PRKN: variants seen among roughly 807,000 people sequenced by gnomAD.
PRKN encodes E3 ubiquitin-protein ligase parkin.
PRKN carries 56 observed loss-of-function variants against 59.5 expected under a neutral mutation model. The observed-to-expected ratio is 0.94, with a 90% CI of 0.76 to 1.18. PRKN has a LOEUF of 1.18. Among genes scored for constraint, PRKN ranks in the 50% most tolerant of loss-of-function variants. PRKN has a pLI of 0.00. For synonymous variants in PRKN, 250 were observed against 222.1 expected, an observed-to-expected ratio of 1.13 and a Z score of -1.12; for missense variants, 657 against 596.4, an observed-to-expected ratio of 1.10 and a Z score of -1.06.
intron 7 of PRKN, among the ~76,000 whole-genome samples, chr6:161,648,588 T>C (rs1784042553): frequency 6.6e-6 from 1 of 152,238 alleles, no homozygotes; most frequent in African/African-American, 2.4e-5. Flanking sequence ...AGAGTAGCCA[T>C]AGTAAATCAC....
chr6:161,850,747 T>C (rs1793399360), intron 6 of PRKN, among the ~76,000 whole-genome samples: 1 of 152,180 alleles, frequency 6.6e-6, no homozygotes. Context: ...AGGAATTTAG[T>C]CTAATTCCTT....
At chr6:161,951,211 A>G (rs73604898) in intron 6 of PRKN, among the ~76,000 whole-genome samples, 1 of 152,104 alleles carries the variant, frequency 6.6e-6, no homozygotes, top group South Asian at 2.1e-4. Flanking sequence ...ACGAAACAGT[A>G]TGGCAAGACA....
At position 161,691,840 on chromosome 6, in the gene PRKN, T is replaced by C. The variant is rs1785808504; in HGVS notation, c.871+93932A>G. Among the ~76,000 whole-genome samples, 3 of 151,230 alleles carry C rather than the reference T, an allele frequency of 2.0e-5. 1 individual carries two copies. The highest frequency in any genetic ancestry group is 2.0e-4 in the Admixed American group (3 of 15,196). On this transcript the variant is annotated intron_variant, in intron 7 of 11. Transcript: ENST00000366898. ...TTGGGTGAGTCAAACTTTGTTGCTC[T>C]GCAAATGTCGATGAAGATCTTAAAG...
At chr6:161,701,116 A>G (rs1379559143) in intron 7 of PRKN, among the ~76,000 whole-genome samples, 1 of 152,226 alleles carries the variant, frequency 6.6e-6, no homozygotes, top group African/African-American at 2.4e-5. Context: ...GAAAGGTGAT[A>G]GGAACTGAAA....
intron 5 of PRKN, among the ~76,000 whole-genome samples, chr6:162,001,468 A>G (rs1383694503): frequency 6.6e-6 from 1 of 152,020 alleles, no homozygotes; most frequent in African/African-American, 2.4e-5. Flanking sequence ...GCTGGTACAG[A>G]GGGAAGCAAT....
At chr6:161,431,125 C>G (rs545746266) in intron 9 of PRKN, among the ~76,000 whole-genome samples, 1 of 122,176 alleles carries the variant, frequency 8.2e-6, no homozygotes, top group African/African-American at 3.3e-5. Context: ...GGCAACAGAG[C>G]GAGACTCTGT....
chr6:161,724,690 C>T (rs1787366978), intron 7 of PRKN, among the ~76,000 whole-genome samples: 1 of 152,146 alleles, frequency 6.6e-6, no homozygotes, highest in African/African-American at 2.4e-5. Context: ...AATATGAACA[C>T]ATTTTTATAA....
At chr6:161,979,482 C>T (rs1781179791) in intron 5 of PRKN, among the ~76,000 whole-genome samples, 1 of 152,054 alleles carries the variant, frequency 6.6e-6, no homozygotes, top group Admixed American at 6.6e-5. Context: ...CCATGTTGGC[C>T]AGGCTGGTCT....
intron 1 of PRKN, among the ~76,000 whole-genome samples, chr6:162,466,802 T>G (rs1791437483): frequency 6.6e-6 from 1 of 152,096 alleles, no homozygotes; most frequent in Non-Finnish European, 1.5e-5. Context: ...CTTTTTTTTT[T>G]CTTTTAATCA....
In PRKN at chr6:161,545,202, CTT is replaced by C. The variant is rs1250154314; in HGVS notation, c.1083+3650_1083+3651del. Reference sequence around the variant, plus strand: ...ATGGTAAGAGTTGTACTTTTTCTATCTTGATAATTGAGGGAAAAAAAAATTAA... The same window carrying C: ...ATGGTAAGAGTTGTACTTTTTCTATCGATAATTGAGGGAAAAAAAAATTAA... On this transcript the variant is annotated intron_variant, in intron 9 of 11. Transcript: ENST00000366898. This position sits in a 1 kb window ranked among gnomAD's most constrained non-coding sequence, Gnocchi z 4.1. The C allele has an allele frequency of 7.4e-7, 1 of 1,360,506 alleles. No homozygotes were observed. The highest frequency in any genetic ancestry group is 9.4e-7 in the Non-Finnish European group (1 of 1,058,466). 84.3% of individuals were successfully genotyped at this position (1,360,506 alleles called of 1,614,324 possible). A position where few individuals can be genotyped will look rare whatever the true frequency, so the allele number is the denominator to read the frequency against.
At chr6:162,165,803 C>A (rs1342497040) in intron 4 of PRKN, among the ~76,000 whole-genome samples, 15 of 151,578 alleles carry the variant, frequency 9.9e-5, no homozygotes, top group Admixed American at 5.3e-4. Context: ...AATCTCAGCA[C>A]TTTGGGAGGC....
intron 3 of PRKN, among the ~76,000 whole-genome samples, chr6:162,251,107 T>C (rs1779415828): frequency 6.6e-6 from 1 of 152,190 alleles, no homozygotes; most frequent in South Asian, 2.1e-4. Flanking sequence ...ATCTTGCATA[T>C]GATTTGTCCC....
rs888849562 is a variant in PRKN at position 162,701,879 on chromosome 6, ACACACACC to A, written c.7+25775_7+25782del. Among the ~76,000 whole-genome samples the A allele has an allele frequency of 1.3e-4, 16 of 124,260 alleles. No homozygotes were observed. The South Asian group carries it at 1.7e-3, about 13-fold the overall frequency. 81.5% of individuals were successfully genotyped at this position (124,260 alleles called of 152,430 possible). Reference sequence around the variant, plus strand: ...CATACATACATACACACACACACACACACACACCCCCCCGACAAAATGAAACCAACAGA... The same window carrying A: ...CATACATACATACACACACACACACACCCCCGACAAAATGAAACCAACAGA... On this transcript the variant is annotated intron_variant, in intron 1 of 11. Coordinates refer to ENST00000366898, the MANE Select transcript of PRKN (RefSeq NM_004562.3).
At chr6:161,856,291 C>T (rs1327578149) in intron 6 of PRKN, among the ~76,000 whole-genome samples, 1 of 151,962 alleles carries the variant, frequency 6.6e-6, no homozygotes, top group Non-Finnish European at 1.5e-5. Context: ...ACCCGGGAGG[C>T]GGAGGTTGCA....
At chr6:162,081,386 G>T (rs566494084) in intron 4 of PRKN, among the ~76,000 whole-genome samples, 124 of 152,138 alleles carry the variant, frequency 8.2e-4, no homozygotes, top group African/African-American at 2.9e-3. Flanking sequence ...TTGATCCATG[G>T]ACTGCAGAAT....
intron 10 of PRKN, among the ~76,000 whole-genome samples, chr6:161,368,381 TGATATA>T (rs1785304898): frequency 1.4e-5 from 1 of 70,812 alleles, no homozygotes; most frequent in Admixed American, 1.2e-4. Context: ...ACCTCAGTCT[TGATATA>T]TATATATATA....
intron 1 of PRKN, among the ~76,000 whole-genome samples, chr6:162,607,936 G>A (rs1183185098): frequency 2.6e-5 from 4 of 152,146 alleles, no homozygotes; most frequent in African/African-American, 9.7e-5. Context: ...AGCAAGAGAT[G>A]GGACAAGCAG....
At chr6:162,004,166 TTAGCAC>T (rs1782162857) in intron 5 of PRKN, among the ~76,000 whole-genome samples, 1 of 152,188 alleles carries the variant, frequency 6.6e-6, no homozygotes. Flanking sequence ...CATGAATGAC[TTAGCAC>T]TATCCCACTT....
At chr6:162,384,868 G>GCATTACAT (rs1273441208) in intron 2 of PRKN, among the ~76,000 whole-genome samples, 2 of 152,094 alleles carry the variant, frequency 1.3e-5, no homozygotes, top group Non-Finnish European at 2.9e-5. Context: ...AGTAGAGTAA[G>GCATTACAT]TAGGCATCAG....
Sources: allele counts gnomAD v4.1 joint callset (sites outside exome capture counted in the v4.1 genomes callset), GRCh38; gene constraint gnomAD v4.1.1; non-coding constraint Gnocchi (gnomAD v3.1); transcripts MANE v1.5; gene names NCBI Gene and HGNC (gene_info 2026-07-23, HGNC 2026-07-21).